Variants in ADARB2 observed in about 807,000 individuals in gnomAD.
The protein encoded by ADARB2 is adenosine deaminase RNA specific B2 (inactive).
In ADARB2, 25 loss-of-function variants were observed where a neutral mutation model predicts 62.2. That is an observed-to-expected ratio of 0.40 (90% CI 0.29 to 0.56). The LOEUF (loss-of-function observed/expected upper bound fraction) is 0.56. ADARB2 is among the 20% of genes least tolerant of loss of function. The probability of loss-of-function intolerance (pLI) is 0.43; values close to 1 mark genes in which losing one functional copy is unlikely to be tolerated. For synonymous variants in ADARB2, 572 were observed against 500.8 expected (o/e 1.14, Z -1.90); for missense variants, 1,071 against 1,077.4 (o/e 0.99, Z 0.08).
intron 1 of ADARB2, among the ~76,000 whole-genome samples, chr10:1,417,222 C>CAAGAAGTGTAGACCAAGACAGTG (rs1453074894): frequency 0.014 from 2,101 of 151,830 alleles, 114 homozygotes; most frequent in East Asian, 0.11. Context: ...CCAAGACAGT[C>CAAGAAGTGTAGACCAAGACAGTG]AAGAAGTGTA....
At chr10:1,633,608 C>A (rs972917610) in intron 1 of ADARB2, among the ~76,000 whole-genome samples, 2 of 149,392 alleles carry the variant, frequency 1.3e-5, no homozygotes, top group African/African-American at 4.9e-5. Flanking sequence ...ATCTATCTAT[C>A]TATCCCTCTA....
intron 1 of ADARB2, among the ~76,000 whole-genome samples, chr10:1,631,322 G>C (rs548225663): frequency 2.7e-5 from 4 of 150,650 alleles, no homozygotes; most frequent in Admixed American, 1.3e-4. Flanking sequence ...GGCTGGACGC[G>C]GCAGGGAACA....
intron 1 of ADARB2, among the ~76,000 whole-genome samples, chr10:1,712,641 C>G (rs369427775): frequency 0.051 from 594 of 11,646 alleles, 8 homozygotes; most frequent in African/African-American, 0.16. Context: ...GAGTCTCCCT[C>G]TGTCCCCCAG....
chr10:1,274,232 C>G (rs1243225857), intron 3 of ADARB2, among the ~76,000 whole-genome samples: 1 of 152,288 alleles, frequency 6.6e-6, no homozygotes, highest in Non-Finnish European at 1.5e-5. Context: ...CACGGGGACA[C>G]TTCCCCAGCT....
intron 3 of ADARB2, 116 bp from the exon 4 acceptor site, chr10:1,271,185 G>C (rs1831258903): frequency 1.3e-6 from 1 of 763,970 alleles, no homozygotes; most frequent in African/African-American, 1.7e-5. Context: ...ACATGGGCCT[G>C]CTCTCCTCCC....
chr10:1,207,974 A>G (rs1011696548), intron 7 of ADARB2, among the ~76,000 whole-genome samples: 5 of 152,190 alleles, frequency 3.3e-5, no homozygotes, highest in African/African-American at 4.8e-5. Flanking sequence ...CCGCGTCCAC[A>G]GGCCTTCAGG....
At chr10:1,233,582 A>G in intron 6 of ADARB2, 112 bp downstream of exon 6, 1 of 1,164,150 alleles carries the variant, frequency 8.6e-7, no homozygotes, top group Non-Finnish European at 1.2e-6. Flanking sequence ...CCAGTACCCA[A>G]GGGCCCCACA....
chr10:1,535,712 A>G (rs745496869), intron 1 of ADARB2: 5 of 167,176 alleles, frequency 3.0e-5, no homozygotes, highest in Non-Finnish European at 7.3e-5. Context: ...CTCTGTCGAC[A>G]TAACTCACCC....
chr10:1,369,353 C>T (rs1464738573), intron 2 of ADARB2, among the ~76,000 whole-genome samples: 1 of 152,082 alleles, frequency 6.6e-6, no homozygotes, highest in Non-Finnish European at 1.5e-5. Flanking sequence ...CTGCACTCAC[C>T]AGGGTCTCTA....
chr10:1,451,038 G>C (rs1190057200), intron 1 of ADARB2, among the ~76,000 whole-genome samples: 1 of 152,260 alleles, frequency 6.6e-6, no homozygotes, highest in Non-Finnish European at 1.5e-5. Flanking sequence ...GAAACACAGA[G>C]AGATGTGTGT....
At chr10:1,350,641 C>G (rs1234292609) in intron 3 of ADARB2, among the ~76,000 whole-genome samples, 1 of 152,150 alleles carries the variant, frequency 6.6e-6, no homozygotes, top group Non-Finnish European at 1.5e-5. Context: ...TCTTTTTCAT[C>G]AAATATAAAA....
rs114747497 is a variant in ADARB2 at position 1,658,020 on chromosome 10, G to A, written c.100+79031C>T. Among the ~76,000 whole-genome samples the A allele has an allele frequency of 9.4e-3, 1,383 of 146,352 alleles. 8 individuals are homozygous for A. The highest frequency in any genetic ancestry group is 0.031 in the Middle Eastern group (9 of 288). ...TTCTGTGTCTCTCTGTCTCTTATCT[G>A]ATCCTGTGTGTGTCTGTGTATCTCT... On this transcript the variant is annotated intron_variant, in intron 1 of 9. Transcript: ENST00000381312.
In ADARB2 at chr10:1,255,440, C is replaced by G. The variant is rs1172100642; in HGVS notation, c.1193-13141G>C. ...CATGCTGCTCACTCCACATAACATA[C>G]AACACGACAAAGGCATTGAGAGAGC... On this transcript the variant is annotated intron_variant, in intron 4 of 9. Transcript: ENST00000381312. This position sits in a 1 kb window ranked among gnomAD's most constrained non-coding sequence, Gnocchi z 4.7. Among the ~76,000 whole-genome samples the G allele has an allele frequency of 6.6e-6, 1 of 152,228 alleles. No homozygotes were observed. The highest frequency in any genetic ancestry group is 1.5e-5 in the Non-Finnish European group (1 of 68,040).
chr10:1,613,981 T>G (rs1028203219), intron 1 of ADARB2, among the ~76,000 whole-genome samples: 1 of 152,260 alleles, frequency 6.6e-6, no homozygotes. Flanking sequence ...ATAATAACTT[T>G]GTTTGACTTG....
At chr10:1,362,649 C>A (rs1832269611) in intron 3 of ADARB2, among the ~76,000 whole-genome samples, 1 of 152,084 alleles carries the variant, frequency 6.6e-6, no homozygotes. Context: ...CTCCCAGGCA[C>A]AGGGCGCCTC....
At chr10:1,487,107 G>A (rs116712998) in intron 1 of ADARB2, among the ~76,000 whole-genome samples, 4,273 of 152,300 alleles carry the variant, frequency 0.028, 214 homozygotes, top group African/African-American at 0.096. Flanking sequence ...GTGGGAGCCC[G>A]GATGCTGGGG....
At chr10:1,415,515 T>C (rs80259914) in intron 1 of ADARB2, among the ~76,000 whole-genome samples, 1,657 of 100,018 alleles carry the variant, frequency 0.017, 40 homozygotes, top group African/African-American at 0.047. Context: ...ACGACACCTC[T>C]TCCGCATGGT....
intron 1 of ADARB2, among the ~76,000 whole-genome samples, chr10:1,635,577 G>A (rs564902547): frequency 2.6e-5 from 4 of 152,124 alleles, no homozygotes; most frequent in Admixed American, 1.3e-4. Flanking sequence ...TGATTGCCCC[G>A]CCCACTCTGA....
chr10:1,392,905 A>C (rs1832582491), intron 1 of ADARB2, among the ~76,000 whole-genome samples: 1 of 152,180 alleles, frequency 6.6e-6, no homozygotes, highest in South Asian at 2.1e-4. Flanking sequence ...GTCCCTCAGA[A>C]TGTGACCGTA....
Sources: gnomAD v4.1 joint callset for allele counts (sites outside exome capture counted in the v4.1 genomes callset) on GRCh38, gnomAD v4.1.1 for gene constraint, Gnocchi (gnomAD v3.1) non-coding constraint, MANE v1.5 for transcripts, NCBI Gene and HGNC (gene_info 2026-07-23, HGNC 2026-07-21) for gene names.